The following EFCAB6 variants were observed in gnomAD, a reference collection of about 807,000 sequenced individuals.
EFCAB6 encodes the protein EF-hand calcium-binding domain-containing protein 6.
EFCAB6 carries 156 observed loss-of-function variants against 169.8 expected under a neutral mutation model. The ratio of observed to expected loss-of-function variants is 0.92; its 90% confidence interval spans 0.81 to 1.05. The LOEUF (loss-of-function observed/expected upper bound fraction) is 1.05, where lower values mean the gene tolerates loss of function less well. Among genes scored for constraint, EFCAB6 ranks in the 50% least tolerant of loss-of-function variants. EFCAB6 has a pLI of 0.00. For missense variants in EFCAB6, 1,800 were observed against 1,829.1 expected, an observed-to-expected ratio of 0.98 and a Z score of 0.29; for synonymous variants, 698 against 676.4, an observed-to-expected ratio of 1.03 and a Z score of -0.50.
intron 2 of EFCAB6, among the ~76,000 whole-genome samples, chr22:43,782,667 T>TC (rs2061867742): frequency 6.6e-6 from 1 of 152,140 alleles, no homozygotes; most frequent in South Asian, 2.1e-4. Flanking sequence ...TTGAAGTGCC[T>TC]CAGTATAAAT....
At chr22:43,671,099 A>T (rs997381912) in intron 15 of EFCAB6, among the ~76,000 whole-genome samples, 3 of 152,230 alleles carry the variant, frequency 2.0e-5, no homozygotes, top group African/African-American at 7.2e-5. Flanking sequence ...CTGAGAGGTG[A>T]GAGGCTGGTG....
intron 27 of EFCAB6, chr22:43,553,731 T>A (rs1473697168): frequency 1.3e-5 from 2 of 152,248 alleles, no homozygotes; most frequent in Non-Finnish European, 2.9e-5. Context: ...GCCACCCCAC[T>A]GGGAGGTGCT....
At chr22:43,600,299 G>T (rs1397856733) in intron 22 of EFCAB6, 36 bp from the exon 23 acceptor site, 1 of 1,605,726 alleles carries the variant, frequency 6.2e-7, no homozygotes, top group Non-Finnish European at 8.5e-7. Context: ...GCACTTCTCA[G>T]TAGCCAGTAA....
At chr22:43,623,793 C>T (rs2054288534) in intron 20 of EFCAB6, among the ~76,000 whole-genome samples, 2 of 149,424 alleles carry the variant, frequency 1.3e-5, no homozygotes, top group South Asian at 4.3e-4. Context: ...CCTGTAGTCC[C>T]AGCTACTTGG....
chr22:43,777,373 GC>G (rs1484589529), intron 3 of EFCAB6, among the ~76,000 whole-genome samples: 1 of 152,192 alleles, frequency 6.6e-6, no homozygotes, highest in Non-Finnish European at 1.5e-5. Context: ...AGGACATGGA[GC>G]CAGATGACTC....
At chr22:43,617,767 G>A (rs568123534) in intron 20 of EFCAB6, among the ~76,000 whole-genome samples, 2 of 152,254 alleles carry the variant, frequency 1.3e-5, no homozygotes, top group South Asian at 2.1e-4. Flanking sequence ...TTCCCAAGGA[G>A]CTTACACTGT....
intron 17 of EFCAB6, among the ~76,000 whole-genome samples, chr22:43,655,117 C>T (rs527748365): frequency 4.6e-5 from 7 of 152,060 alleles, no homozygotes; most frequent in South Asian, 4.2e-4. Context: ...ATTAGCTGGG[C>T]GTGGTGGCAG....
intron 26 of EFCAB6, among the ~76,000 whole-genome samples, chr22:43,562,200 T>C (rs2049082385): frequency 6.6e-6 from 1 of 152,224 alleles, no homozygotes. Flanking sequence ...AGCAAACAAT[T>C]GCCCTTCTAG....
chr22:43,752,232 C>T (rs2060798396), intron 6 of EFCAB6, among the ~76,000 whole-genome samples: 1 of 150,250 alleles, frequency 6.7e-6, no homozygotes, highest in Non-Finnish European at 1.5e-5. Flanking sequence ...ATTCTCCTGT[C>T]TCAGCCTCCT....
Position 43,714,561 on chromosome 22 carries a change from A to G in EFCAB6, c.882+2287T>C, listed in dbSNP as rs181408565. ...AAAAAAAAGCTTCAGGAATCCAGGT[A>G]AAAAAAGAAATCACCTACAAGGGGG... is the stretch of plus-strand genomic sequence containing the variant. On this transcript the variant is annotated intron_variant, in intron 9 of 31. Transcript: ENST00000262726. Among the ~76,000 whole-genome samples, 462 of 151,762 alleles carry G rather than the reference A, an allele frequency of 3.0e-3. 3 individuals carry two copies. Among genetic ancestry groups the G allele is most frequent in the African/African-American group, 0.011 (438 of 41,448 alleles).
intron 24 of EFCAB6, among the ~76,000 whole-genome samples, chr22:43,586,340 A>ATTTTTTGTTTTTTTTTTTTT (rs2051063581): frequency 1.4e-5 from 1 of 72,906 alleles, no homozygotes; most frequent in African/African-American, 6.5e-5. Context: ...GCAACAACTG[A>ATTTTTTGTTTTTTTTTTTTT]TTTTTTTTTT....
intron 10 of EFCAB6, among the ~76,000 whole-genome samples, 175 bp downstream of exon 10, chr22:43,711,300 C>A (rs1409812224): frequency 6.6e-6 from 1 of 152,124 alleles, no homozygotes. Flanking sequence ...ATTGTTGAAG[C>A]TGGGTAGTGG....
intron 8 of EFCAB6, among the ~76,000 whole-genome samples, chr22:43,728,352 A>G (rs1356327843): frequency 6.6e-6 from 1 of 152,172 alleles, no homozygotes; most frequent in South Asian, 2.1e-4. Context: ...TGCTCTTACA[A>G]ATAGTGCTGC....
intron 17 of EFCAB6, among the ~76,000 whole-genome samples, chr22:43,645,870 CA>C (rs2056122877): frequency 6.6e-6 from 1 of 150,942 alleles, no homozygotes. Context: ...AAAACAAAAA[CA>C]AAAACTGAGA....
intron 27 of EFCAB6, chr22:43,553,429 T>C (rs2048502071): frequency 6.6e-6 from 1 of 152,338 alleles, no homozygotes; most frequent in Non-Finnish European, 1.5e-5. Flanking sequence ...TGAAGGGAAA[T>C]CTACTTCTGT....
intron 7 of EFCAB6, among the ~76,000 whole-genome samples, chr22:43,732,059 G>T (rs1490277626): frequency 1.3e-5 from 2 of 152,100 alleles, no homozygotes; most frequent in African/African-American, 4.8e-5. Flanking sequence ...AAATGTTGCT[G>T]GACCTGTTGA....
At chr22:43,655,985 T>C (rs2056718735) in intron 17 of EFCAB6, among the ~76,000 whole-genome samples, 1 of 152,140 alleles carries the variant, frequency 6.6e-6, no homozygotes, top group South Asian at 2.1e-4. Flanking sequence ...AGCTTCAAAG[T>C]GAATAATTCA....
At chr22:43,708,734 G>A (rs1299021136) in intron 10 of EFCAB6, among the ~76,000 whole-genome samples, 2 of 152,124 alleles carry the variant, frequency 1.3e-5, no homozygotes, top group African/African-American at 4.8e-5. Flanking sequence ...CATTCATAGG[G>A]ATAAAAGGGC....
At chr22:43,657,190 G>A (rs936040777) in intron 17 of EFCAB6, among the ~76,000 whole-genome samples, 2 of 152,140 alleles carry the variant, frequency 1.3e-5, no homozygotes, top group Non-Finnish European at 2.9e-5. Flanking sequence ...AGCTACTCAG[G>A]AAGCTGAGGT....
Sources: allele counts gnomAD v4.1 joint callset (sites outside exome capture counted in the v4.1 genomes callset), GRCh38; gene constraint gnomAD v4.1.1; transcripts MANE v1.5; gene names NCBI Gene and HGNC (gene_info 2026-07-23, HGNC 2026-07-21).